The following MICAL3 variants were observed in gnomAD, a reference collection of about 807,000 sequenced individuals.
MICAL3 encodes microtubule associated monooxygenase, calponin and LIM domain containing 3, also known as [F-actin]-monooxygenase MICAL3.
Under a neutral mutation model 207.4 loss-of-function variants are expected in MICAL3, and 62 were observed. The ratio of observed to expected loss-of-function variants is 0.30; its 90% CI spans 0.24 to 0.37. The LOEUF (loss-of-function observed/expected upper bound fraction) is 0.37, where lower values mean the gene tolerates loss of function less well. Ranked by LOEUF, MICAL3 falls within the 10% of genes least tolerant of loss-of-function variation. The pLI, the probability that MICAL3 is intolerant of heterozygous loss-of-function variation, is 1.00. For missense variants in MICAL3, 2,368 were observed against 2,635.6 expected, an observed-to-expected ratio of 0.90 and a Z score of 2.22; for synonymous variants, 1,077 against 1,069.3, an observed-to-expected ratio of 1.01 and a Z score of -0.14.
intron 1 of MICAL3, among the ~76,000 whole-genome samples, chr22:18,015,785 A>G (rs1482985673): frequency 6.6e-6 from 1 of 152,132 alleles, no homozygotes; most frequent in Non-Finnish European, 1.5e-5. Context: ...TCTATTCGCT[A>G]TTGTTCCTTT....
At chr22:17,967,791 A>G (rs994647645) in intron 1 of MICAL3, among the ~76,000 whole-genome samples, 8 of 152,228 alleles carry the variant, frequency 5.3e-5, no homozygotes, top group South Asian at 2.1e-4. Context: ...TCACGCCTGT[A>G]ATCCCAGCAC....
intron 1 of MICAL3, among the ~76,000 whole-genome samples, chr22:17,950,331 G>GTTTTTGT (rs1160668005): frequency 4.3e-4 from 42 of 97,494 alleles, no homozygotes; most frequent in South Asian, 6.8e-4. Flanking sequence ...CTGGCGTTTT[G>GTTTTTGT]TTTTTGTTTT....
chr22:17,893,751 G>T, intron 11 of MICAL3, 57 bp downstream of exon 11: 1 of 1,255,020 alleles, frequency 8.0e-7, no homozygotes, highest in Non-Finnish European at 1.1e-6. Flanking sequence ...CAGGGAATGA[G>T]TATAGACTTC....
intron 1 of MICAL3, among the ~76,000 whole-genome samples, chr22:17,991,141 C>T (rs1180071254): frequency 2.0e-5 from 3 of 152,248 alleles, no homozygotes; most frequent in Non-Finnish European, 4.4e-5. Context: ...CCACAACTGA[C>T]AGCCCGTGAC....
chr22:17,809,024 A>C, intron 28 of MICAL3, 87 bp from the exon 29 acceptor site: 1 of 1,207,048 alleles, frequency 8.3e-7, no homozygotes, highest in Non-Finnish European at 1.2e-6. Context: ...GAGGGGAAAC[A>C]CAGGAGTTGC....
intron 1 of MICAL3, among the ~76,000 whole-genome samples, chr22:17,947,559 C>G (rs1253802104): frequency 3.3e-5 from 5 of 152,162 alleles, no homozygotes; most frequent in Non-Finnish European, 5.9e-5. Context: ...TCAATCCCCT[C>G]AAGATCAAAT....
At chr22:18,004,286 A>T (rs548113492) in intron 1 of MICAL3, 6 of 144,448 alleles carry the variant, frequency 4.2e-5, no homozygotes, top group Non-Finnish European at 4.5e-5. Flanking sequence ...TTTTCTTTTG[A>T]GACTGAGTTT....
At chr22:17,951,101 C>T (rs927797585) in intron 1 of MICAL3, among the ~76,000 whole-genome samples, 7 of 152,210 alleles carry the variant, frequency 4.6e-5, no homozygotes, top group African/African-American at 1.7e-4. Context: ...GGCTGGGCCA[C>T]TTCCTCCACT....
chr22:17,854,792 A>G (rs1030058525), intron 19 of MICAL3, among the ~76,000 whole-genome samples: 11 of 152,156 alleles, frequency 7.2e-5, no homozygotes, highest in Admixed American at 2.6e-4. Context: ...ATTAAAGGAG[A>G]CCACCAGAGA....
intron 16 of MICAL3, among the ~76,000 whole-genome samples, chr22:17,881,017 G>A (rs1380909538): frequency 6.6e-6 from 1 of 152,212 alleles, no homozygotes; most frequent in Non-Finnish European, 1.5e-5. Flanking sequence ...AGGGTCAGGT[G>A]TGAATGTAGG....
At chr22:17,799,067 T>C (rs959847840) in intron 29 of MICAL3, among the ~76,000 whole-genome samples, 3 of 152,206 alleles carry the variant, frequency 2.0e-5, no homozygotes, top group African/African-American at 7.2e-5. Flanking sequence ...CTGTCATGGC[T>C]ATGCCCAACT....
At chr22:17,791,356 G>A (rs958179462) in intron 29 of MICAL3, 55 bp from the exon 30 acceptor site, 85 of 1,454,726 alleles carry the variant, frequency 5.8e-5, no homozygotes, top group Middle Eastern at 1.7e-4. Context: ...ACCCTGGCCC[G>A]CAGGAATCAC....
chr22:17,970,999 C>T (rs184492289), intron 1 of MICAL3, among the ~76,000 whole-genome samples: 269 of 151,768 alleles, frequency 1.8e-3, no homozygotes, highest in Admixed American at 4.5e-3. Context: ...CTGGGAAACA[C>T]GGCAAAACCC....
chr22:17,895,235 T>C (rs569833763), intron 10 of MICAL3, 49 bp downstream of exon 10: 11 of 1,599,640 alleles, frequency 6.9e-6, no homozygotes, highest in Non-Finnish European at 9.4e-6. Flanking sequence ...AGAATTCTCA[T>C]TGGTCCTGCA....
intron 11 of MICAL3, 105 bp from the exon 12 acceptor site, chr22:17,891,737 T>A: frequency 9.0e-7 from 1 of 1,107,064 alleles, no homozygotes; most frequent in Non-Finnish European, 1.3e-6. Flanking sequence ...TTACTGAGGG[T>A]AGGGACGAAA....
chr22:17,811,006 T>G (rs1601947169), intron 27 of MICAL3, 193 bp from the exon 28 acceptor site: 2 of 556,264 alleles, frequency 3.6e-6, no homozygotes, highest in Non-Finnish European at 6.5e-6. Context: ...AGGCATGAGG[T>G]CTGCAGAGTC....
At chr22:17,872,772 T>C (rs747930979) in intron 16 of MICAL3, 50 of 1,612,912 alleles carry the variant, frequency 3.1e-5, no homozygotes, top group Non-Finnish European at 4.2e-5. Flanking sequence ...TAGAAGGGCT[T>C]TGGGTTGTTC....
At position 17,841,563 on chromosome 22, in the gene MICAL3, A is replaced by G; in HGVS notation, c.2801+259T>C. 5.3e-6 allele frequency: 3 copies of G among 568,872 alleles called. No individual in the cohort carries two copies. The Middle Eastern group carries it at 1.4e-3, about 263-fold the overall frequency. 35.2% of individuals were successfully genotyped at this position (568,872 alleles called of 1,614,324 possible). A position where few individuals can be genotyped will look rare whatever the true frequency, so the allele number is the denominator to read the frequency against. On this transcript the variant is annotated intron_variant, in intron 20 of 31. Coordinates refer to ENST00000441493, the MANE Select transcript of MICAL3 (RefSeq NM_015241.3). This position sits in a 1 kb window ranked among gnomAD's most constrained non-coding sequence, Gnocchi z 4.2. ...GGCAGAGCCTGCCACTTTCCTTCCC[A>G]ATGACAGACTTGGAGCTGGGGACAT...
At chr22:17,923,800 G>T (rs1932852281) in intron 1 of MICAL3, among the ~76,000 whole-genome samples, 1 of 152,210 alleles carries the variant, frequency 6.6e-6, no homozygotes, top group Non-Finnish European at 1.5e-5. Context: ...GCCAACTGTG[G>T]CTTACACAAG....
Sources: gnomAD v4.1 joint callset for allele counts (sites outside exome capture counted in the v4.1 genomes callset) on GRCh38, gnomAD v4.1.1 for gene constraint, Gnocchi (gnomAD v3.1) non-coding constraint, MANE v1.5 for transcripts, NCBI Gene and HGNC (gene_info 2026-07-23, HGNC 2026-07-21) for gene names.